The following SPTB variants were observed in gnomAD, a reference collection of about 807,000 sequenced individuals.
SPTB encodes the protein spectrin beta, erythrocytic.
A neutral mutation model predicts 256.2 loss-of-function variants in SPTB; 45 were observed. The ratio of observed to expected loss-of-function variants is 0.18; its 90% CI spans 0.14 to 0.23. The LOEUF (loss-of-function observed/expected upper bound fraction) is 0.23. Among genes scored for constraint, SPTB ranks in the 10% least tolerant of loss-of-function variants. The probability of loss-of-function intolerance (pLI) is 1.00; values close to 1 mark genes in which losing one functional copy is unlikely to be tolerated. For synonymous variants in SPTB, 1,231 were observed against 1,243.1 expected (o/e 0.99, Z 0.21); for missense variants, 2,715 against 3,040.4 (o/e 0.89, Z 2.52).
At chr14:64,822,910 G>A in intron 2 of SPTB, 37 bp downstream of exon 2, 2 of 1,612,286 alleles carry the variant, frequency 1.2e-6, no homozygotes, top group East Asian at 2.2e-5. Context: ...TTGTGACTGT[G>A]AGAATGCCCT....
intron 9 of SPTB, 29 bp from the exon 10 acceptor site, chr14:64,797,875 G>T: frequency 6.3e-7 from 1 of 1,585,610 alleles, no homozygotes; most frequent in Non-Finnish European, 8.7e-7. Context: ...TAGGAAGACT[G>T]ATGTTAAGAT....
chr14:64,769,565 G>A (rs377402154), intron 28 of SPTB, 25 bp downstream of exon 28: 26 of 1,612,814 alleles, frequency 1.6e-5, no homozygotes, highest in Admixed American at 1.5e-4. Flanking sequence ...GGAGGAGCTC[G>A]CCTCCATCCT....
Position 64,806,446 on chromosome 14 carries a change from G to A in SPTB, c.149-1356C>T, listed in dbSNP as rs186721265. On this transcript the variant is annotated intron_variant, in intron 2 of 35. Transcript: ENST00000644917. The surrounding 1 kb of genome is among the most constrained non-coding windows in gnomAD (Gnocchi z 4.1). ...AGCCAGGAGCGGGGTCTGCCCGGTC[G>A]GAGCAGGCTGTGTGCTCGACTGAGC... Among the ~76,000 whole-genome samples, 10 of 152,302 alleles carry A rather than the reference G, an allele frequency of 6.6e-5. No homozygotes were observed. The highest frequency in any genetic ancestry group is 1.3e-4 in the Admixed American group (2 of 15,306).
At chr14:64,863,234 C>A (rs1881962725) in intron 1 of SPTB, among the ~76,000 whole-genome samples, 1 of 152,164 alleles carries the variant, frequency 6.6e-6, no homozygotes, top group South Asian at 2.1e-4. Flanking sequence ...TTTTGGCTTT[C>A]CTGGGCTGGA....
At chr14:64,820,455 T>C (rs904939688) in intron 2 of SPTB, among the ~76,000 whole-genome samples, 3 of 152,220 alleles carry the variant, frequency 2.0e-5, no homozygotes, top group African/African-American at 7.2e-5. Flanking sequence ...CTTAGGTTGT[T>C]TGTTCTTGAA....
At chr14:64,752,177 TAA>T in intron 33 of SPTB, 1 of 1,342,292 alleles carries the variant, frequency 7.4e-7, no homozygotes, top group Non-Finnish European at 9.8e-7. Flanking sequence ...ATCAAACTGA[TAA>T]CAGGTGGGCT....
At chr14:64,868,700 G>C (rs1195492748) in intron 1 of SPTB, among the ~76,000 whole-genome samples, 1 of 152,200 alleles carries the variant, frequency 6.6e-6, no homozygotes, top group Non-Finnish European at 1.5e-5. Flanking sequence ...AGGTTCAATG[G>C]GAGACTGGTC....
At chr14:64,813,816 A>G (rs1033231024) in intron 2 of SPTB, among the ~76,000 whole-genome samples, 1 of 152,238 alleles carries the variant, frequency 6.6e-6, no homozygotes, top group Non-Finnish European at 1.5e-5. Flanking sequence ...GTGAGCCACC[A>G]TGCCTGGCCA....
chr14:64,766,625 G>A (rs762760128), intron 32 of SPTB, 101 bp downstream of exon 32: 8 of 1,610,556 alleles, frequency 5.0e-6, no homozygotes, highest in Admixed American at 3.3e-5. Context: ...GCGGGGCTGC[G>A]CCAGCTCATC....
chr14:64,747,043 G>C lies in SPTB; in HGVS notation c.*2263C>G, dbSNP rs2081856879. The C allele has an allele frequency of 6.5e-6, 1 of 152,720 alleles. No individual in the cohort carries two copies. Among genetic ancestry groups the C allele is most frequent in the African/African-American group, 2.4e-5 (1 of 41,452 alleles). The allele number at this position is 152,720 out of a possible 1,614,324, so 9.5% of individuals were successfully genotyped here. A position where few individuals can be genotyped will look rare whatever the true frequency, so the allele number is the denominator to read the frequency against. ...GACAGGAGGGATGTGTGGGGAGCTGGCAACAGAATGGTCACATGCAGCTGG... is the reference window on the plus strand; with the variant it reads ...GACAGGAGGGATGTGTGGGGAGCTGCCAACAGAATGGTCACATGCAGCTGG... On this transcript the variant is annotated 3_prime_UTR_variant, in exon 36 of 36. Coordinates refer to ENST00000644917, the MANE Select transcript of SPTB (RefSeq NM_001355436.2).
In SPTB at chr14:64,793,924, C is replaced by T. The variant is rs527651497; in HGVS notation, c.1796-57G>A. 2.7e-5 allele frequency: 41 copies of T among 1,546,064 alleles called. No homozygotes were observed. The highest frequency in any genetic ancestry group is 2.3e-4 in the East Asian group (10 of 44,426). On this transcript the variant is annotated intron_variant, in intron 13 of 35. Coordinates refer to ENST00000644917, the MANE Select transcript of SPTB (RefSeq NM_001355436.2). The surrounding 1 kb of genome is among the most constrained non-coding windows in gnomAD (Gnocchi z 7.0). ...GGGGGATGGGCTTCATTTATGGGCA[C>T]GCTTCAGATAAGCTGCTAGGTTGGA... is the stretch of plus-strand genomic sequence containing the variant.
intron 9 of SPTB, among the ~76,000 whole-genome samples, chr14:64,798,837 G>C (rs1002567611): frequency 2.0e-5 from 3 of 152,232 alleles, no homozygotes; most frequent in Non-Finnish European, 4.4e-5. Context: ...TGTGGGAGAT[G>C]GGGGGAAGAG....
At chr14:64,751,987 A>G (rs939187182) in intron 33 of SPTB, among the ~76,000 whole-genome samples, 12 of 150,348 alleles carry the variant, frequency 8.0e-5, no homozygotes, top group South Asian at 2.1e-4. Context: ...CCAGCTACTC[A>G]GGAGGCTGAG....
chr14:64,783,208 A>AT lies in SPTB; in HGVS notation c.4003-656dup, dbSNP rs59708222. Among the ~76,000 whole-genome samples the AT allele has an allele frequency of 6.3e-3, 928 of 146,474 alleles. 5 individuals carry two copies. The highest frequency in any genetic ancestry group is 0.014 in the African/African-American group (575 of 40,204). On this transcript the variant is annotated intron_variant, in intron 19 of 35. Coordinates refer to ENST00000644917, the MANE Select transcript of SPTB (RefSeq NM_001355436.2). The stretch of plus-strand genomic sequence containing the variant: ...GAATCTATATCACTAATAATAGTTA[A>AT]TTTTTTTTTTTTTGAGACAGCGTCT...
At chr14:64,811,940 T>A (rs1024619336) in intron 2 of SPTB, among the ~76,000 whole-genome samples, 3 of 152,252 alleles carry the variant, frequency 2.0e-5, no homozygotes, top group African/African-American at 7.2e-5. Context: ...GAATTACAAA[T>A]GCACATGCTT....
At chr14:64,769,003 C>A (rs2082235950) in intron 29 of SPTB, 31 bp downstream of exon 29, 1 of 1,589,168 alleles carries the variant, frequency 6.3e-7, no homozygotes, top group East Asian at 2.2e-5. Context: ...GTACTCCTGC[C>A]CCTGGGCCCT....
rs1253924002 is a variant in SPTB, at chr14:64,753,699, G to A, written c.6440C>T (p.Pro2147Leu). Reference protein sequence around the residue: ...DGQKSTGDERPTTEPLFKVLD... With the variant: ...DGQKSTGDERLTTEPLFKVLD... ...GACCTTAAAGAGGGGCTCCGTGGTG[G>A]GCCTCTCATCCCCAGTGGATTTCTG... The change falls in exon 33 of 36, where the codon CCC (proline) becomes CTC (leucine). Residue 2147 changes from proline to leucine, a missense_variant. Physicochemically the swap from Pro to Leu is moderately conservative, Grantham distance 98 (BLOSUM62 -3). Around this residue, in one of 4 missense-constraint regions of SPTB, gnomAD observed 2,239 missense variants for 2,384.4 expected, o/e 0.94. Transcript: ENST00000644917. The A allele has an allele frequency of 3.7e-6, 6 of 1,613,678 alleles. No individual in the cohort carries two copies. The highest frequency in any genetic ancestry group is 1.7e-5 in the Admixed American group (1 of 60,020).
Position 64,823,637 on chromosome 14 carries a change from G to A in SPTB, c.-51-492C>T, listed in dbSNP as rs2083333031. ...AGTCTGACCCATATGGGAACCATGG[G>A]GAGAGATGGATGAGAGAGTTAAGCC... is the stretch of plus-strand genomic sequence containing the variant. On this transcript the variant is annotated intron_variant, in intron 1 of 35. Coordinates refer to ENST00000644917, the MANE Select transcript of SPTB (RefSeq NM_001355436.2). This position sits in a 1 kb window ranked among gnomAD's most constrained non-coding sequence, Gnocchi z 6.5. 6.6e-6 allele frequency among the ~76,000 whole-genome samples: 1 copy of A among 152,192 alleles called. No individual in the cohort carries two copies. The highest frequency in any genetic ancestry group is 2.1e-4 in the South Asian group (1 of 4,826).
At chr14:64,754,121 G>A (rs768815271) in intron 32 of SPTB, 9 of 445,958 alleles carry the variant, frequency 2.0e-5, no homozygotes, top group African/African-American at 6.0e-5. Flanking sequence ...TCATTAAAGG[G>A]GTGTGAGGGG....
Sources: gnomAD v4.1 joint callset for allele counts (sites outside exome capture counted in the v4.1 genomes callset) on GRCh38, gnomAD v4.1.1 for gene constraint, gnomAD v4.1.1 regional missense constraint, Gnocchi (gnomAD v3.1) non-coding constraint, MANE v1.5 for transcripts, NCBI Gene and HGNC (gene_info 2026-07-23, HGNC 2026-07-21) for gene names.